The following SEC14L4 variants were observed in gnomAD, a reference collection of about 807,000 sequenced individuals.
SEC14L4 encodes the protein SEC14 like lipid binding 4.
A neutral mutation model predicts 55.1 loss-of-function variants in SEC14L4; 42 were observed. The observed-to-expected ratio is 0.76, with a 90% confidence interval of 0.60 to 0.99. The LOEUF is 0.99. SEC14L4 is among the 50% of genes least tolerant of loss of function. The pLI, the probability that SEC14L4 is intolerant of heterozygous loss-of-function variation, is 0.00. For synonymous variants in SEC14L4, 206 were observed against 206.8 expected (o/e 1.00, Z 0.03); for missense variants, 445 against 512.1 (o/e 0.87, Z 1.27).
At chr22:30,500,754 A>ATT (rs531954470) in intron 2 of SEC14L4, among the ~76,000 whole-genome samples, 1,002 of 79,476 alleles carry the variant, frequency 0.013, 100 homozygotes, top group African/African-American at 0.037. Context: ...TGAGAACAGA[A>ATT]TTTTTTTTTT....
At chr22:30,495,900 C>T in intron 3 of SEC14L4, 28 bp downstream of exon 3, 1 of 1,610,766 alleles carries the variant, frequency 6.2e-7, no homozygotes, top group Non-Finnish European at 8.5e-7. Flanking sequence ...GCATGGAAGG[C>T]AGGGCAGTAG....
In SEC14L4 at chr22:30,505,679, C is replaced by G; in HGVS notation, c.-68G>C. 2.8e-6 allele frequency: 4 copies of G among 1,439,694 alleles called. No individual in the cohort carries two copies. The highest frequency in any genetic ancestry group is 3.7e-6 in the Non-Finnish European group (4 of 1,074,700). 89.2% of individuals were successfully genotyped at this position (1,439,694 alleles called of 1,614,324 possible). ...GCCCGCCGCCGCCTGGCCTTGTATC[C>G]GCTGCCGCCTGGTTGTGCCTCCTGG... is the stretch of plus-strand genomic sequence containing the variant. On this transcript the variant is annotated 5_prime_UTR_variant, in exon 1 of 12. Coordinates refer to ENST00000255858, the MANE Select transcript of SEC14L4 (RefSeq NM_174977.4).
In SEC14L4 at chr22:30,489,532, G is replaced by C. The variant is rs951631830; in HGVS notation, c.*575C>G. 1.8e-5 allele frequency: 8 copies of C among 448,708 alleles called. No individual in the cohort carries two copies. The South Asian group carries it at 2.0e-4, about 11-fold the overall frequency. The allele number at this position is 448,708 out of a possible 1,614,324, so 27.8% of individuals were successfully genotyped here. On this transcript the variant is annotated 3_prime_UTR_variant, in exon 12 of 12. Coordinates refer to ENST00000255858, the MANE Select transcript of SEC14L4 (RefSeq NM_174977.4). ...TGGGATTATAGGCGTGAGCCACCAC[G>C]CCCAGTCCATTTCCAATTTTCCATC...
chr22:30,493,083 C>CAAAAAAA (rs10593638), intron 7 of SEC14L4, among the ~76,000 whole-genome samples: 1 of 80,450 alleles, frequency 1.2e-5, no homozygotes, highest in East Asian at 5.6e-4. Flanking sequence ...GATTCCATCT[C>CAAAAAAA]AAAAAAAAAA....
At position 30,505,541 on chromosome 22, in the gene SEC14L4, C is replaced by T. The variant is rs114938669; in HGVS notation, c.54+17G>A. 3,721 of 1,558,898 alleles carry T rather than the reference C, an allele frequency of 2.4e-3. 66 individuals carry two copies. In the African/African-American group the frequency reaches 0.041, roughly 17 times the overall value. ...CAGGGCCCCTCCTCAAGCCTCCCAGCCCGCGATGCTCCTCACCCTGGCCAG... is the reference window on the plus strand; with the variant it reads ...CAGGGCCCCTCCTCAAGCCTCCCAGTCCGCGATGCTCCTCACCCTGGCCAG... On this transcript the variant is annotated intron_variant, in intron 1 of 11. Coordinates refer to ENST00000255858, the MANE Select transcript of SEC14L4 (RefSeq NM_174977.4).
At chr22:30,498,124 CT>C (rs869157636) in intron 2 of SEC14L4, among the ~76,000 whole-genome samples, 948 of 98,376 alleles carry the variant, frequency 9.6e-3, no homozygotes, top group African/African-American at 0.02. Flanking sequence ...TTTTCATTAT[CT>C]TTTTTTTTTT....
In SEC14L4 at chr22:30,494,192, C is replaced by T; in HGVS notation, c.538G>A (p.Ala180Thr). The T allele has an allele frequency of 1.2e-6, 2 of 1,613,838 alleles. No individual in the cohort carries two copies. The highest frequency in any genetic ancestry group is 1.7e-6 in the Non-Finnish European group (2 of 1,179,766). The change falls in exon 7 of 12, where the codon GCA (alanine) becomes ACA (threonine). Residue 180 changes from alanine (A) to threonine (T), a missense_variant. Ala to Thr is a moderately conservative substitution (Grantham distance 58). Transcript: ENST00000255858. ...TTCTTCAGGGTCTCAGGATAATTTG[C>T]TTCCAGGATGCTAAAAAACTGTGGA... ...VYQQFFSILE[A>T]NYPETLKNLI... is the part of the protein sequence containing the mutation.
At chr22:30,501,041 CAAA>C (rs975842347) in intron 2 of SEC14L4, among the ~76,000 whole-genome samples, 1 of 151,152 alleles carries the variant, frequency 6.6e-6, no homozygotes, top group Non-Finnish European at 1.5e-5. Context: ...CCTGTGTCTA[CAAA>C]AAATAAAAAT....
intron 2 of SEC14L4, among the ~76,000 whole-genome samples, chr22:30,501,846 CATATATATATATATATATATAT>C: frequency 8.9e-6 from 1 of 111,910 alleles, no homozygotes. Context: ...CACACACGCA[CATATATATATATATATATATAT>C]ATATATACAT....
intron 7 of SEC14L4, chr22:30,492,819 C>T (rs1003047729): frequency 5.0e-6 from 2 of 400,746 alleles, no homozygotes; most frequent in East Asian, 4.8e-5. Flanking sequence ...CGCAGTGGCT[C>T]ATGCCTGAAA....
intron 11 of SEC14L4, 84 bp downstream of exon 11, chr22:30,491,489 C>A (rs920413955): frequency 2.0e-6 from 3 of 1,535,398 alleles, no homozygotes; most frequent in East Asian, 2.3e-5. Context: ...GAGATCCCCC[C>A]ACCCTCCCGA....
chr22:30,501,846 C>CATATATATAT (rs3067218), intron 2 of SEC14L4, among the ~76,000 whole-genome samples: 3,950 of 111,370 alleles, frequency 0.035, 97 homozygotes, highest in Non-Finnish European at 0.044. Context: ...CACACACGCA[C>CATATATATAT]ATATATATAT....
At chr22:30,505,530 A>G in intron 1 of SEC14L4, 28 bp downstream of exon 1, 1 of 1,554,194 alleles carries the variant, frequency 6.4e-7, no homozygotes, top group Non-Finnish European at 8.7e-7. Flanking sequence ...GCCCCTCCTC[A>G]AGCCTCCCAG....
Position 30,505,565 on chromosome 22 carries a change from A to T in SEC14L4, c.47T>A (p.Leu16Gln). ...GCCCGCGATGCTCCTCACCCTGGCC[A>T]GCGCTTCCTGCTGCTGGGGGCTCAG... Reference protein sequence around the residue: ...GDLSPQQQEALARFRENLQDL... With the variant: ...GDLSPQQQEAQARFRENLQDL... The change falls in exon 1 of 12, where the codon CTG (leucine) becomes CAG (glutamine). Residue 16 changes from leucine (L) to glutamine (Q), a missense_variant. Leu to Gln is a moderately radical substitution (Grantham distance 113, BLOSUM62 -2). Transcript: ENST00000255858. 6.4e-7 allele frequency: 1 copy of T among 1,568,592 alleles called. No homozygotes were observed. The highest frequency in any genetic ancestry group is 8.6e-7 in the Non-Finnish European group (1 of 1,159,092).
chr22:30,504,339 G>A (rs1213178018), intron 1 of SEC14L4, among the ~76,000 whole-genome samples: 1 of 152,140 alleles, frequency 6.6e-6, no homozygotes. Flanking sequence ...ACAGGCGTGA[G>A]CCACCATGCC....
Position 30,489,964 on chromosome 22 carries a change from G to A in SEC14L4, c.*143C>T. ...CCTTCCTGCTTGGCCACTGTGCCAG[G>A]TGAGCCTACAATGAGATGAAATGGT... On this transcript the variant is annotated 3_prime_UTR_variant, in exon 12 of 12. Transcript: ENST00000255858. The A allele has an allele frequency of 1.3e-6, 2 of 1,552,898 alleles. No individual in the cohort carries two copies. Among genetic ancestry groups the A allele is most frequent in the Middle Eastern group, 1.7e-4 (1 of 5,994 alleles).
At chr22:30,502,284 C>T (rs1568949761) in intron 2 of SEC14L4, among the ~76,000 whole-genome samples, 1 of 152,184 alleles carries the variant, frequency 6.6e-6, no homozygotes, top group East Asian at 1.9e-4. Context: ...TCATTTGACT[C>T]ACAGCGCCCT....
chr22:30,492,590 A>ACCAGAAAG (rs770718783), intron 7 of SEC14L4, 33 bp from the exon 8 acceptor site: 8 of 1,551,406 alleles, frequency 5.2e-6, no homozygotes, highest in Non-Finnish European at 7.1e-6. Context: ...GAGAAGCTGG[A>ACCAGAAAG]CCAGAAAGGA....
intron 5 of SEC14L4, 94 bp downstream of exon 5, chr22:30,495,157 GGGT>G: frequency 8.1e-7 from 1 of 1,228,098 alleles, no homozygotes; most frequent in Non-Finnish European, 1.1e-6. Flanking sequence ...CCAGAGCCCT[GGGT>G]GCTGAGGGCT....
Sources: gnomAD v4.1 joint callset for allele counts (sites outside exome capture counted in the v4.1 genomes callset) on GRCh38, gnomAD v4.1.1 for gene constraint, MANE v1.5 for transcripts, NCBI Gene and HGNC (gene_info 2026-07-23, HGNC 2026-07-21) for gene names.